KMT2E: variants seen among roughly 807,000 people sequenced by gnomAD.
The protein encoded by KMT2E is lysine methyltransferase 2E (inactive), also known as histone reader KMT2E.
KMT2E carries 30 observed loss-of-function variants against 184.6 expected under a neutral mutation model. The observed-to-expected ratio is 0.16, with a 90% CI of 0.12 to 0.22. KMT2E has a LOEUF of 0.22. Ranked by LOEUF, KMT2E falls within the 10% of genes least tolerant of loss-of-function variation. The probability of loss-of-function intolerance (pLI) is 1.00; values close to 1 mark genes in which losing one functional copy is unlikely to be tolerated. For synonymous variants in KMT2E, 815 were observed against 776.5 expected (o/e 1.05, Z -0.82); for missense variants, 2,023 against 2,237.4 (o/e 0.90, Z 1.93).
intron 6 of KMT2E, among the ~76,000 whole-genome samples, chr7:105,071,592 ATATATATATATATATATTT>A (rs1797303160): frequency 5.5e-5 from 3 of 54,310 alleles, no homozygotes; most frequent in African/African-American, 2.0e-4. Flanking sequence ...GTATATATAT[ATATATATATATATATATTT>A]TTTTTTTTTT....
intron 9 of KMT2E, 139 bp from the exon 10 acceptor site, chr7:105,076,824 G>A (rs1797544163): frequency 1.5e-6 from 1 of 652,186 alleles, no homozygotes; most frequent in African/African-American, 1.8e-5. Context: ...CCGTTAAACA[G>A]CAGTTTCTAG....
intron 6 of KMT2E, among the ~76,000 whole-genome samples, chr7:105,068,061 T>C (rs1388720610): frequency 6.6e-6 from 1 of 152,286 alleles, no homozygotes; most frequent in East Asian, 1.9e-4. Flanking sequence ...TTGGTTGATA[T>C]TCATCTCTCA....
In KMT2E at chr7:105,107,839, G is replaced by C. The variant is rs1343024595; in HGVS notation, c.3382G>C (p.Gly1128Arg). ...ETTVFCTSEDGLVSGFGRTVN... is the reference protein window; with the variant it reads ...ETTVFCTSEDRLVSGFGRTVN... ...AACTGTGTTTTGTACTTCCGAAGAT[G>C]GGCTTGTATCTGGTTTCGGACGGAC... Residue 1128 changes from glycine to arginine, a missense_variant, in exon 22 of 27, where the codon GGG (glycine) becomes CGG (arginine). Around this residue, in one of 8 missense-constraint regions of KMT2E, gnomAD observed 1,108 missense variants for 1,050.9 expected, o/e 1.05. Coordinates refer to ENST00000311117, the MANE Select transcript of KMT2E (RefSeq NM_182931.3). The C allele has an allele frequency of 8.1e-6, 13 of 1,614,112 alleles. No homozygotes were observed. Among genetic ancestry groups the C allele is most frequent in the Non-Finnish European group, 1.1e-5 (13 of 1,179,998 alleles).
At chr7:105,071,950 T>C (rs1386486481) in intron 6 of KMT2E, among the ~76,000 whole-genome samples, 2 of 152,082 alleles carry the variant, frequency 1.3e-5, no homozygotes, top group African/African-American at 4.8e-5. Flanking sequence ...TTGATAGTAG[T>C]CTTTTGCCAG....
At chr7:105,070,650 A>G (rs1797245939) in intron 6 of KMT2E, among the ~76,000 whole-genome samples, 1 of 150,380 alleles carries the variant, frequency 6.6e-6, no homozygotes, top group African/African-American at 2.4e-5. Flanking sequence ...AAAAAAAAAA[A>G]AAAAAAGCAA....
intron 3 of KMT2E, among the ~76,000 whole-genome samples, chr7:105,047,969 G>A (rs921242230): frequency 6.6e-6 from 1 of 152,164 alleles, no homozygotes; most frequent in Non-Finnish European, 1.5e-5. Flanking sequence ...ACTGCTCTTA[G>A]GAAAAAGAAA....
intron 17 of KMT2E, 74 bp from the exon 18 acceptor site, chr7:105,105,365 A>T (rs1584801929): frequency 8.8e-7 from 1 of 1,137,616 alleles, no homozygotes; most frequent in East Asian, 2.5e-5. Flanking sequence ...ACCAATTTCA[A>T]ATCTGGTATT....
intron 15 of KMT2E, among the ~76,000 whole-genome samples, chr7:105,099,043 G>T (rs1257688369): frequency 2.0e-5 from 3 of 152,110 alleles, no homozygotes; most frequent in Non-Finnish European, 4.4e-5. Context: ...CATATACATG[G>T]CTGTGTCAAA....
At chr7:105,101,348 T>G (rs562653241) in intron 15 of KMT2E, 77 bp from the exon 16 acceptor site, 1 of 1,008,338 alleles carries the variant, frequency 9.9e-7, no homozygotes, top group South Asian at 2.3e-5. Flanking sequence ...TTTTTTACAT[T>G]TATCACAAAC....
chr7:105,107,146 A>G lies in KMT2E; in HGVS notation c.2848-20A>G, dbSNP rs762644519. ...TACGTATTTTTAAATTTTCAATTCT[A>G]ATTCTTTCTTTATATACAGAATATT... On this transcript the variant is annotated intron_variant, in intron 20 of 26. Transcript: ENST00000311117. 1.2e-5 allele frequency: 15 copies of G among 1,300,608 alleles called. No homozygotes were observed. The East Asian group carries it at 2.6e-4, about 23-fold the overall frequency. The allele number at this position is 1,300,608 out of a possible 1,614,324, so 80.6% of individuals were successfully genotyped here. A position where few individuals can be genotyped will look rare whatever the true frequency, so the allele number is the denominator to read the frequency against.
chr7:105,062,050 A>G, intron 3 of KMT2E, 114 bp from the exon 4 acceptor site: 1 of 702,660 alleles, frequency 1.4e-6, no homozygotes, highest in Non-Finnish European at 2.6e-6. Context: ...CTGTAAGTAG[A>G]TACTGTATTT....
chr7:105,089,432 G>A (rs191854826), intron 13 of KMT2E: 7 of 221,548 alleles, frequency 3.2e-5, no homozygotes, highest in African/African-American at 9.5e-5. Context: ...TGATCTGCCC[G>A]CCTTGGCCTC....
Position 105,114,481 on chromosome 7 carries a change from CTCT to C in KMT2E, c.*1150_*1152del, listed in dbSNP as rs1480267772. ...GATCTCTCAGTGAAATGAAAATGGC[CTCT>C]TAAGTGAACGTTTTTATTGCTAAAA... is the stretch of plus-strand genomic sequence containing the variant. On this transcript the variant is annotated 3_prime_UTR_variant, in exon 27 of 27. Coordinates refer to ENST00000311117, the MANE Select transcript of KMT2E (RefSeq NM_182931.3). 20 of 152,070 alleles carry C rather than the reference CTCT, an allele frequency of 1.3e-4. No homozygotes were observed. Among genetic ancestry groups the C allele is most frequent in the East Asian group, 1.9e-4 (1 of 5,196 alleles). The allele number at this position is 152,070 out of a possible 1,614,324, so 9.4% of individuals were successfully genotyped here. A position where few individuals can be genotyped will look rare whatever the true frequency, so the allele number is the denominator to read the frequency against.
Position 105,074,712 on chromosome 7 carries a change from C to T in KMT2E, c.626C>T (p.Thr209Ile), listed in dbSNP as rs780088603. 4 of 1,610,238 alleles carry T rather than the reference C, an allele frequency of 2.5e-6. No individual in the cohort carries two copies. Among genetic ancestry groups the T allele is most frequent in the Non-Finnish European group, 3.4e-6 (4 of 1,178,212 alleles). The stretch of plus-strand genomic sequence containing the variant: ...GAATTATATACTGCATTTCAGCATA[C>T]TCCAACATCAATTACTTTAACTGCT... ...PVELYTAFQH[T>I]PTSITLTASR... Residue 209 changes from threonine (T) to isoleucine (I), a missense_variant, in exon 8 of 27, where the codon ACT (threonine) becomes ATT (isoleucine). By Grantham distance (89) the Thr-to-Ile change is moderately conservative (BLOSUM62 -1). This residue lies in a region of KMT2E where 191 missense variants were observed against 209.0 expected (regional missense o/e 0.91). Transcript: ENST00000311117.
intron 1 of KMT2E, among the ~76,000 whole-genome samples, chr7:105,019,452 T>C (rs1457697167): frequency 6.6e-6 from 1 of 152,248 alleles, no homozygotes; most frequent in Non-Finnish European, 1.5e-5. Flanking sequence ...CTTTTTGGGA[T>C]GTTGGACATT....
chr7:105,073,035 A>AT (rs35743088), intron 6 of KMT2E, among the ~76,000 whole-genome samples: 41,945 of 151,630 alleles, frequency 0.28, 8,604 homozygotes, highest in East Asian at 0.64. Context: ...TTTTAATTAC[A>AT]TGTTAACATT....
rs1182088962 is a variant in KMT2E, at chr7:105,114,665, A to C, written c.*1332A>C. ...TTTTCATCATCCAATTACCTGACAT[A>C]ATTTGGCACAGGATACAAATTCTGT... On this transcript the variant is annotated 3_prime_UTR_variant, in exon 27 of 27. Coordinates refer to ENST00000311117, the MANE Select transcript of KMT2E (RefSeq NM_182931.3). Among the ~76,000 whole-genome samples the C allele has an allele frequency of 6.6e-6, 1 of 152,196 alleles. No homozygotes were observed. Among genetic ancestry groups the C allele is most frequent in the East Asian group, 1.9e-4 (1 of 5,202 alleles).
chr7:105,079,005 G>C, intron 12 of KMT2E, 42 bp downstream of exon 12: 2 of 1,059,334 alleles, frequency 1.9e-6, no homozygotes, highest in Non-Finnish European at 3.0e-6. Context: ...GGGTGCTGGG[G>C]GTGTGTTGGA....
At chr7:105,071,778 G>A (rs1797331653) in intron 6 of KMT2E, among the ~76,000 whole-genome samples, 1 of 151,124 alleles carries the variant, frequency 6.6e-6, no homozygotes, top group Admixed American at 6.6e-5. Flanking sequence ...ATTCCAAACA[G>A]TAATGGATAA....
Sources: allele counts gnomAD v4.1 joint callset (sites outside exome capture counted in the v4.1 genomes callset), GRCh38; gene constraint gnomAD v4.1.1; regional missense constraint gnomAD v4.1.1; transcripts MANE v1.5; gene names NCBI Gene and HGNC (gene_info 2026-07-23, HGNC 2026-07-21).